Variants in MECOM observed in about 807,000 individuals in gnomAD.
The protein encoded by MECOM is MDS1 and EVI1 complex locus, also known as histone-lysine N-methyltransferase MECOM.
A neutral mutation model predicts 116.3 loss-of-function variants in MECOM; 13 were observed. The observed-to-expected ratio is 0.11, with a 90% CI of 0.07 to 0.18. MECOM has a LOEUF of 0.18. Among genes scored for constraint, MECOM ranks in the 10% least tolerant of loss-of-function variants. The pLI, the probability that MECOM is intolerant of heterozygous loss-of-function variation, is 1.00. For synonymous variants in MECOM, 528 were observed against 535.2 expected (o/e 0.99, Z 0.19); for missense variants, 1,299 against 1,509.0 (o/e 0.86, Z 2.31).
At chr3:169,656,179 T>C (rs1775522976) in intron 1 of MECOM, among the ~76,000 whole-genome samples, 1 of 152,234 alleles carries the variant, frequency 6.6e-6, no homozygotes, top group Non-Finnish European at 1.5e-5. Flanking sequence ...TTCATAAATG[T>C]CATCATTTGA....
At chr3:169,459,185 T>C (rs1240487493) in intron 1 of MECOM, among the ~76,000 whole-genome samples, 5 of 152,216 alleles carry the variant, frequency 3.3e-5, no homozygotes, top group Non-Finnish European at 5.9e-5. Context: ...TGATCTGATG[T>C]TATAGTTGGA....
rs567391895 is a variant in MECOM at position 169,587,074 on chromosome 3, G to A, written c.37+76262C>T. 1.2e-4 allele frequency among the ~76,000 whole-genome samples: 18 copies of A among 152,152 alleles called. No homozygotes were observed. The South Asian group carries it at 2.1e-3, about 18-fold the overall frequency. ...TTATTATCCCCACCTTTCCAGATGC[G>A]GGAACTTGGACAACAAAAAGAGGTT... On this transcript the variant is annotated intron_variant, in intron 1 of 16. Transcript: ENST00000651503.
intron 2 of MECOM, among the ~76,000 whole-genome samples, chr3:169,181,192 G>A (rs1745927317): frequency 6.6e-6 from 1 of 152,118 alleles, no homozygotes; most frequent in African/African-American, 2.4e-5. Context: ...TTTGGCTCCA[G>A]ATTTGAATCC....
intron 1 of MECOM, among the ~76,000 whole-genome samples, chr3:169,578,267 A>C (rs553640344): frequency 6.6e-6 from 1 of 152,290 alleles, no homozygotes; most frequent in Non-Finnish European, 1.5e-5. Context: ...TCAGTTACTC[A>C]GTGGGAATTA....
At chr3:169,501,897 G>T (rs772478635) in intron 1 of MECOM, among the ~76,000 whole-genome samples, 8 of 152,014 alleles carry the variant, frequency 5.3e-5, no homozygotes, top group Non-Finnish European at 7.4e-5. Context: ...CAACATGATT[G>T]CTGGGTCAGC....
At chr3:169,284,493 C>T (rs1363456369) in intron 2 of MECOM, among the ~76,000 whole-genome samples, 1 of 151,790 alleles carries the variant, frequency 6.6e-6, no homozygotes, top group Admixed American at 6.6e-5. Flanking sequence ...ATAATTAGGC[C>T]TCTCTCACAA....
chr3:169,268,209 T>C (rs114013445), intron 2 of MECOM, among the ~76,000 whole-genome samples: 1 of 152,140 alleles, frequency 6.6e-6, no homozygotes, highest in Non-Finnish European at 1.5e-5. Flanking sequence ...AAAAGATGTA[T>C]GTCTAAGTTT....
At chr3:169,285,182 G>C (rs941179556) in intron 2 of MECOM, among the ~76,000 whole-genome samples, 9 of 152,174 alleles carry the variant, frequency 5.9e-5, no homozygotes, top group African/African-American at 2.2e-4. Flanking sequence ...GGGCCATTAT[G>C]AAAAGTGTTT....
chr3:169,200,337 C>T (rs1373956028), intron 2 of MECOM, among the ~76,000 whole-genome samples: 4 of 152,076 alleles, frequency 2.6e-5, no homozygotes, highest in Non-Finnish European at 5.9e-5. Context: ...CTTTCAAAGT[C>T]ACTTTTCGTC....
intron 1 of MECOM, among the ~76,000 whole-genome samples, chr3:169,484,290 A>G (rs1751823834): frequency 6.6e-6 from 1 of 152,166 alleles, no homozygotes; most frequent in African/African-American, 2.4e-5. Flanking sequence ...GAGAAAAAAG[A>G]AAGAAAGAGG....
chr3:169,304,760 C>T (rs1173545223), intron 2 of MECOM, among the ~76,000 whole-genome samples: 1 of 152,114 alleles, frequency 6.6e-6, no homozygotes, highest in Non-Finnish European at 1.5e-5. Context: ...ATAAATATAA[C>T]TTTGGTGTAC....
At chr3:169,145,494 TG>T (rs1739590165) in intron 2 of MECOM, 1 of 230,314 alleles carries the variant, frequency 4.3e-6, no homozygotes, top group Non-Finnish European at 8.6e-6. Flanking sequence ...GGTTTCTGGT[TG>T]ATCTTTTGTT....
intron 1 of MECOM, among the ~76,000 whole-genome samples, chr3:169,468,316 A>G (rs890440909): frequency 2.0e-5 from 3 of 152,112 alleles, no homozygotes; most frequent in Non-Finnish European, 4.4e-5. Flanking sequence ...CTAACTCTTC[A>G]TACAAGATCT....
intron 1 of MECOM, among the ~76,000 whole-genome samples, chr3:169,480,013 T>A (rs1751049021): frequency 6.6e-6 from 1 of 152,234 alleles, no homozygotes; most frequent in African/African-American, 2.4e-5. Context: ...CCAGATTCGA[T>A]GTACTTTCCA....
intron 2 of MECOM, among the ~76,000 whole-genome samples, chr3:169,156,082 T>C (rs1398682405): frequency 3.9e-5 from 6 of 152,186 alleles, no homozygotes. Context: ...ATTTTCTAAT[T>C]GGTTATTAGA....
At chr3:169,347,484 C>G (rs960795167) in intron 2 of MECOM, among the ~76,000 whole-genome samples, 1 of 151,834 alleles carries the variant, frequency 6.6e-6, no homozygotes, top group Non-Finnish European at 1.5e-5. Flanking sequence ...TAGAGAGACA[C>G]GGAGTATTTA....
At chr3:169,138,923 G>A (rs1737217880) in intron 3 of MECOM, among the ~76,000 whole-genome samples, 1 of 152,058 alleles carries the variant, frequency 6.6e-6, no homozygotes, top group Admixed American at 6.6e-5. Context: ...CTGTTCTAGT[G>A]TCACAGCAGT....
At chr3:169,659,970 G>A (rs535639051) in intron 1 of MECOM, among the ~76,000 whole-genome samples, 2 of 152,252 alleles carry the variant, frequency 1.3e-5, no homozygotes, top group South Asian at 2.1e-4. Context: ...GAGACTTCTG[G>A]GGGGCCGGTA....
In MECOM at chr3:169,110,722, G is replaced by T. The variant is rs182101867; in HGVS notation, c.2577+2065C>A. Among the ~76,000 whole-genome samples, 26 of 152,188 alleles carry T rather than the reference G, an allele frequency of 1.7e-4. No individual in the cohort carries two copies. The East Asian group carries it at 1.9e-3, about 11-fold the overall frequency. Reference sequence around the variant, plus strand: ...AGAATGGCAGAAATCCATTCCGATTGGTAGGTATTCATGACGCATCAGGTT... The same window carrying T: ...AGAATGGCAGAAATCCATTCCGATTTGTAGGTATTCATGACGCATCAGGTT... On this transcript the variant is annotated intron_variant, in intron 9 of 16. Coordinates refer to ENST00000651503, the MANE Select transcript of MECOM (RefSeq NM_004991.4).
Sources: gnomAD v4.1 joint callset for allele counts (sites outside exome capture counted in the v4.1 genomes callset) on GRCh38, gnomAD v4.1.1 for gene constraint, MANE v1.5 for transcripts, NCBI Gene and HGNC (gene_info 2026-07-23, HGNC 2026-07-21) for gene names.